The following LARP6 variants were observed in gnomAD, a reference collection of about 807,000 sequenced individuals.
LARP6 encodes the protein la-related protein 6.
In LARP6, 18 loss-of-function variants were observed where a neutral mutation model predicts 32.8. The observed-to-expected ratio is 0.55, with a 90% confidence interval of 0.38 to 0.81. The LOEUF (loss-of-function observed/expected upper bound fraction) is 0.81. Ranked by LOEUF, LARP6 falls within the 40% of genes least tolerant of loss-of-function variation. The pLI is 0.00. For missense variants in LARP6, 598 were observed against 663.1 expected (o/e 0.90, Z 1.08); for synonymous variants, 289 against 267.2 (o/e 1.08, Z -0.80).
rs3825970 is a variant in LARP6 at position 70,832,754 on chromosome 15, G to A, written c.774C>T (p.Cys258=). The change falls in exon 3 of 3, where the codon TGC becomes TGT. Residue 258 remains cysteine (C), a synonymous_variant. Transcript: ENST00000299213. ...CCACCTCCTCGAACTCCACGATGGCGCACTCCTGGGTCCCCACTTGGCTGT... is the reference window on the plus strand; with the variant it reads ...CCACCTCCTCGAACTCCACGATGGCACACTCCTGGGTCCCCACTTGGCTGT... ...SRYSQVGTQE[C]AIVEFEEVEA... is the part of the protein sequence containing the mutation. 0.57 allele frequency: 917,297 copies of A among 1,595,492 alleles called. 268,855 individuals carry two copies. Among genetic ancestry groups the A allele is most frequent in the Admixed American group, 0.77 (43,248 of 56,014 alleles).
intron 1 of LARP6, among the ~76,000 whole-genome samples, chr15:70,841,118 T>C (rs1157853744): frequency 6.6e-6 from 1 of 151,896 alleles, no homozygotes; most frequent in Non-Finnish European, 1.5e-5. Flanking sequence ...TTTCACCGTG[T>C]TAGCCAAGAT....
intron 1 of LARP6, among the ~76,000 whole-genome samples, chr15:70,838,533 C>T (rs1283185796): frequency 6.6e-6 from 1 of 152,128 alleles, no homozygotes; most frequent in Non-Finnish European, 1.5e-5. Context: ...CACGGGGTCT[C>T]TTCTTAATAA....
intron 1 of LARP6, among the ~76,000 whole-genome samples, chr15:70,840,901 C>T (rs1298931792): frequency 7.0e-6 from 1 of 142,966 alleles, no homozygotes; most frequent in African/African-American, 2.5e-5. Context: ...AGTATAATTT[C>T]TCTTTTCTCT....
intron 1 of LARP6, among the ~76,000 whole-genome samples, chr15:70,850,820 C>T (rs2032434719): frequency 2.0e-5 from 3 of 151,988 alleles, no homozygotes. Context: ...TACAAAGGAG[C>T]AAGTAAAATA....
At position 70,846,665 on chromosome 15, in the gene LARP6, C is replaced by A. The variant is rs9707938; in HGVS notation, c.200+7224G>T. On this transcript the variant is annotated intron_variant, in intron 1 of 2. Coordinates refer to ENST00000299213, the MANE Select transcript of LARP6 (RefSeq NM_018357.4). ...ACATACATACATAATAAAAAAAAAA[C>A]CAACAAAGTCTTCAGCTCCTTATTC... is the stretch of plus-strand genomic sequence containing the variant. Among the ~76,000 whole-genome samples the A allele has an allele frequency of 7.0e-5, 9 of 128,552 alleles. No individual in the cohort carries two copies. The East Asian group carries it at 1.4e-3, about 20-fold the overall frequency. The allele number at this position is 128,552 out of a possible 152,430, so 84.3% of individuals were successfully genotyped here.
chr15:70,851,682 G>C, intron 1 of LARP6: 1 of 1,614,136 alleles, frequency 6.2e-7, no homozygotes, highest in South Asian at 1.1e-5. Flanking sequence ...TACAATGAAC[G>C]AAGCAAGCAT....
At chr15:70,846,716 C>A (rs181638363) in intron 1 of LARP6, among the ~76,000 whole-genome samples, 58 of 151,764 alleles carry the variant, frequency 3.8e-4, no homozygotes, top group African/African-American at 1.4e-3. Flanking sequence ...CTGGCTGTAA[C>A]CAGCATCAAA....
chr15:70,854,072 C>A lies in LARP6; in HGVS notation c.17G>T (p.Gly6Val). 7.3e-7 allele frequency: 1 copy of A among 1,370,652 alleles called. No individual in the cohort carries two copies. The allele number at this position is 1,370,652 out of a possible 1,614,324, so 84.9% of individuals were successfully genotyped here. A position where few individuals can be genotyped will look rare whatever the true frequency, so the allele number is the denominator to read the frequency against. MAQSG[G>V]EARPGPKTAV... The stretch of plus-strand genomic sequence containing the variant: ...CGTCTTGGGCCCGGGCCGAGCCTCC[C>A]CGCCGGACTGGGCCATGGCTCGCGG... The change falls in exon 1 of 3, where the codon GGG (glycine) becomes GTG (valine). Residue 6 changes from glycine to valine, a missense_variant. Gly to Val is a moderately radical substitution (Grantham distance 109, BLOSUM62 -3). Around this residue, in one of 3 missense-constraint regions of LARP6, gnomAD observed 161 missense variants for 148.6 expected, o/e 1.08. Coordinates refer to ENST00000299213, the MANE Select transcript of LARP6 (RefSeq NM_018357.4).
Position 70,836,443 on chromosome 15 carries a change from G to A in LARP6, c.263C>T (p.Pro88Leu). ...CAGTTTCTTGATCAACTCCTCATCC[G>A]GGGGCTTCCACTCCTGCTCCAGGTC... Reference protein sequence around the residue: ...REDLEQEWKPPDEELIKKLVD... With the variant: ...REDLEQEWKPLDEELIKKLVD... The change falls in exon 2 of 3, where the codon CCG (proline) becomes CTG (leucine). Residue 88 changes from proline (P) to leucine (L), a missense_variant. Pro to Leu is a moderately conservative substitution (Grantham distance 98, BLOSUM62 -3). Coordinates refer to ENST00000299213, the MANE Select transcript of LARP6 (RefSeq NM_018357.4). The A allele has an allele frequency of 1.9e-6, 3 of 1,613,948 alleles. No individual in the cohort carries two copies. Among genetic ancestry groups the A allele is most frequent in the Non-Finnish European group, 2.5e-6 (3 of 1,179,890 alleles).
chr15:70,850,595 A>G (rs1244625861), intron 1 of LARP6, among the ~76,000 whole-genome samples: 1 of 152,246 alleles, frequency 6.6e-6, no homozygotes, highest in Non-Finnish European at 1.5e-5. Context: ...GAAGCCCACA[A>G]ATAACTTGTT....
chr15:70,836,196 T>A (rs1264419956), intron 2 of LARP6, 99 bp downstream of exon 2: 4 of 939,300 alleles, frequency 4.3e-6, no homozygotes, highest in Non-Finnish European at 6.6e-6. Context: ...TTAAAAATTG[T>A]TCGTCATCAG....
chr15:70,839,776 T>C (rs948624183), intron 1 of LARP6, among the ~76,000 whole-genome samples: 2 of 152,148 alleles, frequency 1.3e-5, no homozygotes, highest in Admixed American at 6.5e-5. Flanking sequence ...CTAGAGGCTA[T>C]AAAAACTTAA....
intron 1 of LARP6, among the ~76,000 whole-genome samples, chr15:70,843,995 C>T (rs1443564762): frequency 1.3e-5 from 2 of 149,952 alleles, no homozygotes; most frequent in African/African-American, 2.5e-5. Flanking sequence ...CTCACTCTGT[C>T]GCCCAGGCTG....
At chr15:70,851,408 G>A in intron 1 of LARP6, 1 of 1,166,858 alleles carries the variant, frequency 8.6e-7, no homozygotes, top group Non-Finnish European at 1.1e-6. Flanking sequence ...AAGGAGATGT[G>A]GGGAGATGAT....
chr15:70,832,440 G>A lies in LARP6; in HGVS notation c.1088C>T (p.Pro363Leu), dbSNP rs766179862. Residue 363 changes from proline to leucine, a missense_variant, in exon 3 of 3, where the codon CCG becomes CTG. By Grantham distance (98) the Pro-to-Leu change is moderately conservative (BLOSUM62 -3). Coordinates refer to ENST00000299213, the MANE Select transcript of LARP6 (RefSeq NM_018357.4). ...CAGAAAGAGATTCTGGTGGCCAGAC[G>A]GGCTGAGCTTGTTGGTGGCCGCGTG... ...RRHAATNKLSPSGHQNLFLSP... is the reference protein window; with the variant it reads ...RRHAATNKLSLSGHQNLFLSP... 7.0e-6 allele frequency: 11 copies of A among 1,571,224 alleles called. No homozygotes were observed. The highest frequency in any genetic ancestry group is 2.4e-5 in the South Asian group (2 of 83,038).
chr15:70,846,782 T>A (rs2032355909), intron 1 of LARP6, among the ~76,000 whole-genome samples: 1 of 152,130 alleles, frequency 6.6e-6, no homozygotes, highest in African/African-American at 2.4e-5. Flanking sequence ...CAGAAAGACA[T>A]AGTTATCTGT....
In LARP6 at chr15:70,854,047, C is replaced by A; in HGVS notation, c.42G>T (p.Thr14=). 1.4e-6 allele frequency: 2 copies of A among 1,428,560 alleles called. No homozygotes were observed. Among genetic ancestry groups the A allele is most frequent in the South Asian group, 1.4e-5 (1 of 69,924 alleles). 88.5% of individuals were successfully genotyped at this position (1,428,560 alleles called of 1,614,324 possible). The change falls in exon 1 of 3, where the codon ACG becomes ACT. Residue 14 remains threonine (T), a synonymous_variant. Transcript: ENST00000299213. ...GGATGGCGACGCGGATCTGCACCGC[C>A]GTCTTGGGCCCGGGCCGAGCCTCCC... The part of the protein sequence containing the change: ...SGGEARPGPK[T]AVQIRVAIQE...
At position 70,833,011 on chromosome 15, in the gene LARP6, C is replaced by G; in HGVS notation, c.517G>C (p.Val173Leu). Reference protein sequence around the residue: ...DHRKVRRTTPVPLFPNENLPS... With the variant: ...DHRKVRRTTPLPLFPNENLPS... Reference sequence around the variant, plus strand: ...AGGTTCTCGTTGGGGAACAGTGGGACGGGGGTGGTCCTCCTCACCTTCCGG... The same window carrying G: ...AGGTTCTCGTTGGGGAACAGTGGGAGGGGGGTGGTCCTCCTCACCTTCCGG... The change falls in exon 3 of 3, where the codon GTC becomes CTC. Residue 173 changes from valine to leucine, a missense_variant. Around this residue, in one of 3 missense-constraint regions of LARP6, gnomAD observed 69 missense variants for 116.7 expected, o/e 0.59. Transcript: ENST00000299213. 2.5e-6 allele frequency: 4 copies of G among 1,613,208 alleles called. No individual in the cohort carries two copies. The South Asian group carries it at 4.4e-5, about 18-fold the overall frequency.
In LARP6 at chr15:70,832,308, C is replaced by A. The variant is rs1036592037; in HGVS notation, c.1220G>T (p.Ser407Ile). 3 of 1,614,112 alleles carry A rather than the reference C, an allele frequency of 1.9e-6. No individual in the cohort carries two copies. The highest frequency in any genetic ancestry group is 1.3e-5 in the African/African-American group (1 of 74,938). ...PLAEEGRLNC[S>I]TSPEIFRKCM... ...CTTGCGGAAGATCTCAGGGCTGGTG[C>A]TGCAGTTCAGTCTACCTTCCTCCGC... is the stretch of plus-strand genomic sequence containing the variant. Residue 407 changes from serine to isoleucine, a missense_variant, in exon 3 of 3, where the codon AGC becomes ATC. Ser to Ile is a moderately radical substitution (Grantham distance 142). Coordinates refer to ENST00000299213, the MANE Select transcript of LARP6 (RefSeq NM_018357.4).
Sources: gnomAD v4.1 joint callset for allele counts (sites outside exome capture counted in the v4.1 genomes callset) on GRCh38, gnomAD v4.1.1 for gene constraint, gnomAD v4.1.1 regional missense constraint, MANE v1.5 for transcripts, NCBI Gene and HGNC (gene_info 2026-07-23, HGNC 2026-07-21) for gene names.